Variants in CIMIP2B observed in about 807,000 individuals in gnomAD.
CIMIP2B encodes the protein ciliary microtubule inner protein 2B, also known as family with sequence similarity 166 member B.
chr9:35,563,330 G>C, the CIMIP2B span: 2 of 1,613,928 alleles, frequency 1.2e-6, no homozygotes, highest in Non-Finnish European at 1.7e-6. Flanking sequence ...TAGCTGACCA[G>C]TCACCTGCCC....
At chr9:35,562,437 G>A in the CIMIP2B span, 3 of 1,573,942 alleles carry the variant, frequency 1.9e-6, no homozygotes, top group Non-Finnish European at 2.6e-6. Context: ...TATGTTCTGG[G>A]AAGTGGGGGG....
chr9:35,563,657 G>A, the CIMIP2B span: 1 of 1,019,204 alleles, frequency 9.8e-7, no homozygotes, highest in Non-Finnish European at 1.5e-6. Flanking sequence ...AGAGACCTCA[G>A]CCTCCCAAAC....
At chr9:35,563,633 C>A in the CIMIP2B span, 1 of 812,854 alleles carries the variant, frequency 1.2e-6, no homozygotes, top group Non-Finnish European at 2.0e-6. Flanking sequence ...TTCTCCTTTT[C>A]CATCCACCAC....
chr9:35,562,795 A>G, the CIMIP2B span: 2 of 1,608,986 alleles, frequency 1.2e-6, no homozygotes, highest in Non-Finnish European at 1.7e-6. Flanking sequence ...CACACTACTC[A>G]TGCTGCCCCC....
chr9:35,563,500 T>C, the CIMIP2B span: 2 of 875,248 alleles, frequency 2.3e-6, no homozygotes, highest in African/African-American at 1.7e-5. Context: ...GTGTATATAT[T>C]TGGAGCAGGC....
the CIMIP2B span, chr9:35,561,913 TCCC>T: frequency 8.0e-6 from 3 of 376,158 alleles, no homozygotes; most frequent in Non-Finnish European, 1.5e-5. Context: ...CTCTTTGTGT[TCCC>T]CCACCCTCCC....
chr9:35,562,110 G>GAGTC, the CIMIP2B span: 1 of 1,515,962 alleles, frequency 6.6e-7, no homozygotes, highest in Non-Finnish European at 8.8e-7. Flanking sequence ...GTGGCCAAGA[G>GAGTC]AGTCTGTCAC....
chr9:35,562,820 C>G, the CIMIP2B span: 1 of 1,611,798 alleles, frequency 6.2e-7, no homozygotes. Context: ...CCCGGACACA[C>G]AGTAAGACCC....
chr9:35,562,519 C>G, the CIMIP2B span: 1 of 1,575,666 alleles, frequency 6.3e-7, no homozygotes, highest in Admixed American at 1.9e-5. Flanking sequence ...GGTTGGTGAG[C>G]ACAGGAAAGC....
chr9:35,562,360 T>TC, the CIMIP2B span: 2 of 1,415,160 alleles, frequency 1.4e-6, no homozygotes, highest in South Asian at 3.0e-5. Flanking sequence ...CCCCAAAGCC[T>TC]CCCCGGGGGC....
chr9:35,562,724 TCACA>T, the CIMIP2B span: 2 of 1,613,462 alleles, frequency 1.2e-6, no homozygotes, highest in Middle Eastern at 1.7e-4. Context: ...CCCTGTGCTG[TCACA>T]CAATCTCCCA....
chr9:35,561,991 C>CTT, the CIMIP2B span: 1 of 1,256,750 alleles, frequency 8.0e-7, no homozygotes. Context: ...GGGAAGGGAA[C>CTT]TTGATGTCCA....
the CIMIP2B span, chr9:35,562,435 G>A: frequency 6.4e-7 from 1 of 1,571,520 alleles, no homozygotes; most frequent in South Asian, 1.2e-5. Flanking sequence ...GGTATGTTCT[G>A]GGAAGTGGGG....
the CIMIP2B span, chr9:35,563,877 CTG>C: frequency 1.9e-6 from 3 of 1,549,066 alleles, no homozygotes; most frequent in Middle Eastern, 3.4e-4. Flanking sequence ...AGGCTCTGGT[CTG>C]TGTGTACCGT....
the CIMIP2B span, chr9:35,563,291 G>A: frequency 1.9e-6 from 3 of 1,613,950 alleles, no homozygotes; most frequent in South Asian, 2.2e-5. Flanking sequence ...GTGGACAGGG[G>A]GCCAGGCTAG....
At chr9:35,563,718 A>G in the CIMIP2B span, 2 of 1,559,296 alleles carry the variant, frequency 1.3e-6, no homozygotes, top group Non-Finnish European at 1.8e-6. Context: ...CCTCCACCCT[A>G]TACCCCTACT....
chr9:35,562,003 T>C, the CIMIP2B span: 1 of 1,312,614 alleles, frequency 7.6e-7, no homozygotes, highest in Non-Finnish European at 9.9e-7. Context: ...TGATGTCCAG[T>C]GGCCTAAGCC....
chr9:35,561,864 C>T, the CIMIP2B span: 5 of 667,686 alleles, frequency 7.5e-6, no homozygotes, highest in Admixed American at 2.3e-5. Context: ...ATTTATTATA[C>T]CTATTAATAA....
At chr9:35,563,186 C>T in the CIMIP2B span, 1 of 1,613,906 alleles carries the variant, frequency 6.2e-7, no homozygotes, top group Non-Finnish European at 8.5e-7. Flanking sequence ...AGGGATCATG[C>T]TGGAGCTGAG....
Sources: gnomAD v4.1 joint callset for allele counts on GRCh38, gnomAD v4.1.1 for gene constraint, MANE v1.5 for transcripts, NCBI Gene and HGNC (gene_info 2026-07-23, HGNC 2026-07-21) for gene names.